CNTNAP3: variants seen among roughly 807,000 people sequenced by gnomAD.
CNTNAP3 encodes contactin-associated protein-like 3.
Under a neutral mutation model 92.1 loss-of-function variants are expected in CNTNAP3, and 36 were observed. The observed-to-expected ratio is 0.39, with a 90% CI of 0.30 to 0.52. The LOEUF is 0.52. Among genes scored for constraint, CNTNAP3 ranks in the 20% least tolerant of loss-of-function variants. The probability of loss-of-function intolerance (pLI) is 0.76; values close to 1 mark genes in which losing one functional copy is unlikely to be tolerated. For synonymous variants in CNTNAP3, 232 were observed against 422.3 expected (o/e 0.55, Z 5.53); for missense variants, 534 against 1,069.6 (o/e 0.50, Z 6.98).
intron 18 of CNTNAP3, among the ~76,000 whole-genome samples, chr9:39,094,060 G>T (rs566632732): frequency 6.6e-6 from 1 of 151,000 alleles, no homozygotes; most frequent in South Asian, 2.1e-4. Context: ...TATTTTTATT[G>T]TCAATCTAGT....
intron 18 of CNTNAP3, among the ~76,000 whole-genome samples, chr9:39,094,043 A>G (rs1413593876): frequency 6.6e-6 from 1 of 151,092 alleles, no homozygotes; most frequent in African/African-American, 2.4e-5. Flanking sequence ...GTTTTTATTT[A>G]TTTATTTATT....
intron 23 of CNTNAP3, among the ~76,000 whole-genome samples, chr9:39,077,354 C>G (rs1444038912): frequency 4.0e-5 from 6 of 151,710 alleles, no homozygotes; most frequent in Admixed American, 6.6e-5. Context: ...GTCAGGAGAT[C>G]GAGACCATCC....
chr9:39,127,326 G>A (rs2118017833), intron 13 of CNTNAP3, among the ~76,000 whole-genome samples: 1 of 152,050 alleles, frequency 6.6e-6, no homozygotes, highest in East Asian at 1.9e-4. Context: ...CCTACATTAG[G>A]AAAGAAGAAA....
intron 13 of CNTNAP3, among the ~76,000 whole-genome samples, chr9:39,125,707 C>T (rs538332227): frequency 6.6e-6 from 1 of 151,968 alleles, no homozygotes; most frequent in East Asian, 1.9e-4. Context: ...AAGCCAACTG[C>T]AGAGCAAGGA....
At chr9:39,079,965 CTT>C (rs969497687) in intron 21 of CNTNAP3, among the ~76,000 whole-genome samples, 39 of 127,828 alleles carry the variant, frequency 3.1e-4, no homozygotes, top group African/African-American at 1.3e-3. Flanking sequence ...TCTTCTCTCA[CTT>C]TTCCCTTTTT....
At chr9:39,142,568 A>G (rs2118100959) in intron 11 of CNTNAP3, among the ~76,000 whole-genome samples, 1 of 151,744 alleles carries the variant, frequency 6.6e-6, no homozygotes, top group Admixed American at 6.6e-5. Flanking sequence ...GCTACTCGGG[A>G]GGCTGAGGCA....
rs1245100937 is a variant in CNTNAP3 at position 39,286,007 on chromosome 9, A to G, written c.85+1973T>C. On this transcript the variant is annotated intron_variant, in intron 1 of 23. Coordinates refer to ENST00000297668, the MANE Select transcript of CNTNAP3 (RefSeq NM_033655.5). Reference sequence around the variant, plus strand: ...TGGTATTGAAGGTGGTATAATTATTACAGTTACATAGTTTTATCTGGAAGA... The same window carrying G: ...TGGTATTGAAGGTGGTATAATTATTGCAGTTACATAGTTTTATCTGGAAGA... 4.9e-5 allele frequency among the ~76,000 whole-genome samples: 2 copies of G among 41,194 alleles called. 1 individual carries two copies. The highest frequency in any genetic ancestry group is 1.5e-4 in the Non-Finnish European group (2 of 13,652). 27.0% of individuals were successfully genotyped at this position (41,194 alleles called of 152,430 possible).
At position 39,149,955 on chromosome 9, in the gene CNTNAP3, G is replaced by A; in HGVS notation, c.1500C>T (p.Gly500=). 3 of 1,611,928 alleles carry A rather than the reference G, an allele frequency of 1.9e-6. No individual in the cohort carries two copies. Among genetic ancestry groups the A allele is most frequent in the Non-Finnish European group, 2.5e-6 (3 of 1,179,804 alleles). ...YFGGCLDNSS[G]SGCKSPLGGF... ...CTCCCAGGGGGCTTTTACATCCAGA[G>A]CCAGAGCTGTTGTCCAGGCAGCCTA... Residue 500 remains glycine (G), a synonymous_variant, in exon 10 of 24, where the codon GGC becomes GGT. Coordinates refer to ENST00000297668, the MANE Select transcript of CNTNAP3 (RefSeq NM_033655.5).
rs1823032096 is a variant in CNTNAP3, at chr9:39,285,561, G to A, written c.85+2419C>T. ...CAGAGTTTTGTGTTTTCCTCTTGTT[G>A]CCCAGGCTGGAGTGCTATGGTGGGA... On this transcript the variant is annotated intron_variant, in intron 1 of 23. Coordinates refer to ENST00000297668, the MANE Select transcript of CNTNAP3 (RefSeq NM_033655.5). Among the ~76,000 whole-genome samples, 4 of 48,988 alleles carry A rather than the reference G, an allele frequency of 8.2e-5. 2 individuals carry two copies. Among genetic ancestry groups the A allele is most frequent in the Admixed American group, 4.3e-4 (2 of 4,610 alleles). 32.1% of individuals were successfully genotyped at this position (48,988 alleles called of 152,430 possible).
chr9:39,181,195 G>GA (rs542864488), intron 4 of CNTNAP3, among the ~76,000 whole-genome samples: 1 of 21,964 alleles, frequency 4.6e-5, no homozygotes, highest in Non-Finnish European at 7.7e-5. Context: ...CCCATTTCAA[G>GA]AAAAAAACAG....
At chr9:39,120,341 T>C (rs891048984) in intron 13 of CNTNAP3, among the ~76,000 whole-genome samples, 1 of 152,190 alleles carries the variant, frequency 6.6e-6, no homozygotes, top group Non-Finnish European at 1.5e-5. Context: ...CTATAAATTA[T>C]ATATCCAGAG....
intron 17 of CNTNAP3, 52 bp downstream of exon 17, chr9:39,102,445 T>C (rs1243473135): frequency 1.3e-6 from 2 of 1,539,754 alleles, no homozygotes. Flanking sequence ...TATTTTCTTT[T>C]GGTCCCTCTC....
chr9:39,157,691 G>A (rs947484547), intron 9 of CNTNAP3, among the ~76,000 whole-genome samples: 1 of 17,574 alleles, frequency 5.7e-5, no homozygotes, highest in African/African-American at 2.3e-4. Flanking sequence ...ATTTTAAAAG[G>A]ATTCTGGAAA....
chr9:39,098,336 C>T (rs1929967), intron 18 of CNTNAP3, among the ~76,000 whole-genome samples: 1 of 149,056 alleles, frequency 6.7e-6, no homozygotes, highest in African/African-American at 2.5e-5. Context: ...AATAAAAAGA[C>T]AATGTTGGGT....
In CNTNAP3 at chr9:39,066,844, T is replaced by C. The variant is rs1825519193; in HGVS notation, c.*7046A>G. On this transcript the variant is annotated 3_prime_UTR_variant, in exon 24 of 24. Transcript: ENST00000297668. ...ATGTGTTGTGATGTGGTTTTCTTAA[T>C]AGCACCCCTACTTGGGGATGTTGAG... Among the ~76,000 whole-genome samples, 1 of 152,276 alleles carries C rather than the reference T, an allele frequency of 6.6e-6. No homozygotes were observed. Among genetic ancestry groups the C allele is most frequent in the Non-Finnish European group, 1.5e-5 (1 of 68,050 alleles).
intron 13 of CNTNAP3, among the ~76,000 whole-genome samples, chr9:39,122,523 A>G (rs1821053906): frequency 6.6e-6 from 1 of 152,256 alleles, no homozygotes; most frequent in Non-Finnish European, 1.5e-5. Context: ...TCTCTGGGAA[A>G]ACTCAAAACG....
intron 19 of CNTNAP3, among the ~76,000 whole-genome samples, chr9:39,087,501 G>GTTTTT (rs1164458342): frequency 6.7e-6 from 1 of 149,048 alleles, no homozygotes; most frequent in African/African-American, 2.5e-5. Flanking sequence ...TTGTTTGTTT[G>GTTTTT]TTTGAGGTGG....
chr9:39,075,539 AG>A (rs1171113613), intron 23 of CNTNAP3, among the ~76,000 whole-genome samples: 1 of 152,286 alleles, frequency 6.6e-6, no homozygotes, highest in Non-Finnish European at 1.5e-5. Context: ...CAGCCAATGG[AG>A]GAAGAGCTCT....
In CNTNAP3 at chr9:39,105,357, G is replaced by A. The variant is rs368909477; in HGVS notation, c.2366-1443C>T. 6.9e-4 allele frequency among the ~76,000 whole-genome samples: 105 copies of A among 152,304 alleles called. 1 individual carries two copies. Among genetic ancestry groups the A allele is most frequent in the African/African-American group, 2.4e-3 (101 of 41,572 alleles). ...CAGGAGAATGGAGTGAACCCGGGAG[G>A]CGGAGCTTGCAGTGAGGTGAGATCA... is the stretch of plus-strand genomic sequence containing the variant. On this transcript the variant is annotated intron_variant, in intron 15 of 23. Coordinates refer to ENST00000297668, the MANE Select transcript of CNTNAP3 (RefSeq NM_033655.5).
Sources: allele counts gnomAD v4.1 joint callset (sites outside exome capture counted in the v4.1 genomes callset), GRCh38; gene constraint gnomAD v4.1.1; transcripts MANE v1.5; gene names NCBI Gene and HGNC (gene_info 2026-07-23, HGNC 2026-07-21).